The following NLGN1 variants were observed in gnomAD, a reference collection of about 807,000 sequenced individuals.
The protein encoded by NLGN1 is neuroligin 1.
Under a neutral mutation model 65.5 loss-of-function variants are expected in NLGN1, and 12 were observed. The ratio of observed to expected loss-of-function variants is 0.18; its 90% confidence interval spans 0.12 to 0.30. The LOEUF (loss-of-function observed/expected upper bound fraction) is 0.30, where lower values mean the gene tolerates loss of function less well. Ranked by LOEUF, NLGN1 falls within the 10% of genes least tolerant of loss-of-function variation. NLGN1 has a pLI of 1.00. For synonymous variants in NLGN1, 350 were observed against 359.5 expected (o/e 0.97, Z 0.30); for missense variants, 750 against 1,007.1 (o/e 0.74, Z 3.46).
intron 3 of NLGN1, among the ~76,000 whole-genome samples, chr3:173,720,995 G>T (rs1308867901): frequency 6.6e-6 from 1 of 152,198 alleles, no homozygotes; most frequent in African/African-American, 2.4e-5. Context: ...AAAAAGTCAG[G>T]TAGAAGCTTT....
At chr3:173,815,704 C>G (rs1406031200) in intron 4 of NLGN1, among the ~76,000 whole-genome samples, 1 of 152,100 alleles carries the variant, frequency 6.6e-6, no homozygotes, top group African/African-American at 2.4e-5. Context: ...CTCTATGATA[C>G]GCCTTAAAGA....
At chr3:173,532,819 T>C (rs1577135891) in intron 2 of NLGN1, among the ~76,000 whole-genome samples, 1 of 152,214 alleles carries the variant, frequency 6.6e-6, no homozygotes, top group South Asian at 2.1e-4. Flanking sequence ...CAAATACTTA[T>C]TCTCCCTGAT....
At chr3:173,878,658 A>G (rs1353813033) in intron 4 of NLGN1, among the ~76,000 whole-genome samples, 4 of 149,672 alleles carry the variant, frequency 2.7e-5, no homozygotes, top group African/African-American at 9.8e-5. Context: ...GTGTATATAT[A>G]TATATACACA....
At chr3:174,052,941 C>G (rs1376445255) in intron 4 of NLGN1, among the ~76,000 whole-genome samples, 4 of 151,942 alleles carry the variant, frequency 2.6e-5, no homozygotes, top group African/African-American at 4.8e-5. Flanking sequence ...AAAATAGATG[C>G]GGCAGTAAAT....
chr3:173,656,062 C>A (rs987636401), intron 3 of NLGN1, among the ~76,000 whole-genome samples: 5 of 151,940 alleles, frequency 3.3e-5, no homozygotes, highest in Non-Finnish European at 7.4e-5. Flanking sequence ...TGATGTACAC[C>A]CTATGTAAAT....
rs188017255 is a variant in NLGN1, at chr3:174,124,480, T to A, written c.647-150835T>A. 2.0e-5 allele frequency among the ~76,000 whole-genome samples: 3 copies of A among 149,548 alleles called. No homozygotes were observed. In the East Asian group the frequency reaches 5.9e-4, roughly 29 times the overall value. On this transcript the variant is annotated intron_variant, in intron 4 of 6. Transcript: ENST00000457714. Reference sequence around the variant, plus strand: ...AATGAAACAAATATATTATAGATTATGTATATACACATATATGTGTATATA... The same window carrying A: ...AATGAAACAAATATATTATAGATTAAGTATATACACATATATGTGTATATA...
chr3:173,959,657 A>G (rs901234159), intron 4 of NLGN1, among the ~76,000 whole-genome samples: 1 of 152,208 alleles, frequency 6.6e-6, no homozygotes, highest in African/African-American at 2.4e-5. Context: ...AATAGATTCA[A>G]TTTGTTACTA....
chr3:174,079,521 C>T (rs982194643), intron 4 of NLGN1, among the ~76,000 whole-genome samples: 1 of 152,166 alleles, frequency 6.6e-6, no homozygotes, highest in African/African-American at 2.4e-5. Flanking sequence ...ACCATTTGAC[C>T]CAGCAATCCC....
intron 3 of NLGN1, chr3:173,724,513 T>C: frequency 5.9e-6 from 1 of 170,934 alleles, no homozygotes; most frequent in Non-Finnish European, 1.3e-5. Context: ...TGACCATAGG[T>C]GATCTGCCCA....
chr3:173,678,406 G>A (rs1035198931), intron 3 of NLGN1, among the ~76,000 whole-genome samples: 13 of 152,042 alleles, frequency 8.6e-5, no homozygotes, highest in African/African-American at 2.9e-4. Flanking sequence ...AAAAGGGAGA[G>A]TTTAATTTTG....
At chr3:173,454,988 A>T (rs1249653293) in intron 2 of NLGN1, among the ~76,000 whole-genome samples, 1 of 152,156 alleles carries the variant, frequency 6.6e-6, no homozygotes. Flanking sequence ...GCAGGAGCGG[A>T]AGGAGAGAGA....
chr3:173,855,208 T>G (rs542525963), intron 4 of NLGN1, among the ~76,000 whole-genome samples: 1 of 152,238 alleles, frequency 6.6e-6, no homozygotes, highest in African/African-American at 2.4e-5. Context: ...ATTTTAAAAT[T>G]TAGTCATATC....
intron 2 of NLGN1, among the ~76,000 whole-genome samples, chr3:173,506,108 A>C (rs901399039): frequency 6.6e-6 from 1 of 152,062 alleles, no homozygotes; most frequent in Non-Finnish European, 1.5e-5. Flanking sequence ...AACCTTGACC[A>C]TATTATTAAC....
intron 4 of NLGN1, among the ~76,000 whole-genome samples, chr3:174,107,151 A>G (rs1714123450): frequency 6.6e-6 from 1 of 152,212 alleles, no homozygotes; most frequent in East Asian, 1.9e-4. Context: ...TTTCACAATG[A>G]TAACGTATTG....
At chr3:174,269,201 A>G (rs1206990365) in intron 4 of NLGN1, among the ~76,000 whole-genome samples, 2 of 151,930 alleles carry the variant, frequency 1.3e-5, no homozygotes, top group African/African-American at 4.8e-5. Context: ...TAAATTTATC[A>G]TTATTACCAT....
intron 4 of NLGN1, among the ~76,000 whole-genome samples, chr3:174,101,701 G>T (rs1048443447): frequency 2.0e-5 from 3 of 152,090 alleles, no homozygotes; most frequent in African/African-American, 7.2e-5. Context: ...GCAGGCCCTC[G>T]CACAATAGTG....
chr3:173,633,107 T>G (rs1419993062), intron 3 of NLGN1, among the ~76,000 whole-genome samples: 1 of 152,172 alleles, frequency 6.6e-6, no homozygotes, highest in Non-Finnish European at 1.5e-5. Context: ...GAACTAGAAG[T>G]ACTTTAGCTT....
chr3:173,914,112 T>C (rs1740229263), intron 4 of NLGN1, among the ~76,000 whole-genome samples: 1 of 152,190 alleles, frequency 6.6e-6, no homozygotes, highest in African/African-American at 2.4e-5. Flanking sequence ...ATATTTGGGC[T>C]GTGGTTCTGC....
intron 3 of NLGN1, among the ~76,000 whole-genome samples, chr3:173,793,378 G>C (rs1578460327): frequency 1.3e-5 from 2 of 152,186 alleles, no homozygotes. Context: ...TCTAGATTTA[G>C]AGTTTAGAGA....
Sources: gnomAD v4.1 joint callset for allele counts (sites outside exome capture counted in the v4.1 genomes callset) on GRCh38, gnomAD v4.1.1 for gene constraint, MANE v1.5 for transcripts, NCBI Gene and HGNC (gene_info 2026-07-23, HGNC 2026-07-21) for gene names.